The following EPHA3 variants were observed in gnomAD, a reference collection of about 807,000 sequenced individuals.
EPHA3 encodes the protein ephrin type-A receptor 3.
Under a neutral mutation model 107.1 loss-of-function variants are expected in EPHA3, and 42 were observed. That is an observed-to-expected ratio of 0.39 (90% CI 0.31 to 0.51). The LOEUF is 0.51. Among genes scored for constraint, EPHA3 ranks in the 20% least tolerant of loss-of-function variants. The pLI is 0.78. For synonymous variants in EPHA3, 461 were observed against 424.8 expected, an observed-to-expected ratio of 1.09 and a Z score of -1.05; for missense variants, 1,183 against 1,211.2, an observed-to-expected ratio of 0.98 and a Z score of 0.35.
At chr3:89,250,319 C>T (rs1559618812) in intron 3 of EPHA3, among the ~76,000 whole-genome samples, 1 of 152,156 alleles carries the variant, frequency 6.6e-6, no homozygotes, top group Non-Finnish European at 1.5e-5. Flanking sequence ...TACTCAGTTG[C>T]TTCTTTCCAT....
At chr3:89,391,305 G>A (rs1447724831) in intron 5 of EPHA3, among the ~76,000 whole-genome samples, 1 of 152,054 alleles carries the variant, frequency 6.6e-6, no homozygotes, top group African/African-American at 2.4e-5. Flanking sequence ...AAGCTTCATG[G>A]AGAATGGTCA....
intron 3 of EPHA3, among the ~76,000 whole-genome samples, chr3:89,232,256 G>C (rs1203213630): frequency 2.6e-5 from 4 of 152,032 alleles, no homozygotes; most frequent in Non-Finnish European, 2.9e-5. Context: ...AAAGAATGAA[G>C]AGCAAAAAAA....
At chr3:89,477,618 G>A (rs1483631086) in intron 16 of EPHA3, among the ~76,000 whole-genome samples, 1 of 152,096 alleles carries the variant, frequency 6.6e-6, no homozygotes, top group Non-Finnish European at 1.5e-5. Flanking sequence ...GTGTGTGTGT[G>A]TGTGTCTGTG....
At chr3:89,373,939 T>A (rs1362069407) in intron 5 of EPHA3, among the ~76,000 whole-genome samples, 1 of 151,964 alleles carries the variant, frequency 6.6e-6, no homozygotes, top group African/African-American at 2.4e-5. Flanking sequence ...AGAGTCCATT[T>A]GGTCTGATTA....
intron 2 of EPHA3, among the ~76,000 whole-genome samples, chr3:89,154,314 A>G (rs1704751002): frequency 1.3e-5 from 2 of 151,012 alleles, no homozygotes; most frequent in Admixed American, 1.3e-4. Context: ...TTGGACGCAT[A>G]AAAAGGTGAG....
intron 2 of EPHA3, among the ~76,000 whole-genome samples, chr3:89,159,561 C>T (rs1704879504): frequency 6.6e-6 from 1 of 152,118 alleles, no homozygotes; most frequent in Non-Finnish European, 1.5e-5. Flanking sequence ...TCTCCACTGC[C>T]TCTCACTCCC....
intron 5 of EPHA3, among the ~76,000 whole-genome samples, chr3:89,386,704 T>C (rs558338023): frequency 1.3e-5 from 2 of 152,226 alleles, no homozygotes; most frequent in East Asian, 3.9e-4. Flanking sequence ...ACAGCTTGCG[T>C]TGGATGCACC....
chr3:89,169,760 C>A (rs1046457408), intron 2 of EPHA3, among the ~76,000 whole-genome samples: 5 of 152,152 alleles, frequency 3.3e-5, no homozygotes, highest in East Asian at 1.9e-4. Flanking sequence ...TCAAATATAT[C>A]ATTTCTTCAG....
intron 13 of EPHA3, among the ~76,000 whole-genome samples, chr3:89,432,818 C>T (rs564094226): frequency 2.6e-5 from 4 of 151,638 alleles, no homozygotes; most frequent in South Asian, 2.1e-4. Context: ...TTCAACATAC[C>T]GATAATTTAG....
intron 1 of EPHA3, 104 bp from the exon 2 acceptor site, chr3:89,127,103 TTA>T: frequency 1.2e-6 from 1 of 818,164 alleles, no homozygotes; most frequent in South Asian, 1.5e-5. Flanking sequence ...GAAGGAAGAG[TTA>T]TGTTTTTTGA....
chr3:89,324,901 T>C (rs1707131379), intron 3 of EPHA3, among the ~76,000 whole-genome samples: 1 of 152,152 alleles, frequency 6.6e-6, no homozygotes, highest in South Asian at 2.1e-4. Context: ...GCCATCTTTA[T>C]ATTTGCGAGT....
rs974876739 is a variant in EPHA3, at chr3:89,337,284, A to G, written c.815-3632A>G. ...GTTTTAAGGAAGTAATTTGCTTTCA[A>G]TGATTGATTTTTATAAAATTAAAAG... On this transcript the variant is annotated intron_variant, in intron 3 of 16. Coordinates refer to ENST00000336596, the MANE Select transcript of EPHA3 (RefSeq NM_005233.6). 5.9e-5 allele frequency among the ~76,000 whole-genome samples: 9 copies of G among 152,312 alleles called. 1 individual carries two copies. The East Asian group carries it at 7.7e-4, about 13-fold the overall frequency.
chr3:89,251,797 A>G, intron 3 of EPHA3, among the ~76,000 whole-genome samples: 1 of 151,664 alleles, frequency 6.6e-6, no homozygotes, highest in African/African-American at 2.4e-5. Context: ...TTGTGTGTAG[A>G]AAAAAAAATC....
intron 2 of EPHA3, among the ~76,000 whole-genome samples, chr3:89,136,826 T>C (rs572413110): frequency 6.6e-6 from 1 of 152,088 alleles, no homozygotes; most frequent in East Asian, 1.9e-4. Flanking sequence ...TTTAAATATT[T>C]CATATATTTG....
intron 3 of EPHA3, among the ~76,000 whole-genome samples, chr3:89,258,488 G>A (rs1366337647): frequency 6.6e-6 from 1 of 152,036 alleles, no homozygotes; most frequent in Non-Finnish European, 1.5e-5. Flanking sequence ...AATTGCCATT[G>A]TACATGACAA....
At chr3:89,148,499 T>C (rs1430439993) in intron 2 of EPHA3, among the ~76,000 whole-genome samples, 6 of 151,996 alleles carry the variant, frequency 3.9e-5, no homozygotes, top group African/African-American at 1.4e-4. Context: ...AAAATGTTTG[T>C]GTCTTTCATG....
At chr3:89,329,134 A>G (rs1317001360) in intron 3 of EPHA3, among the ~76,000 whole-genome samples, 1 of 152,190 alleles carries the variant, frequency 6.6e-6, no homozygotes, top group African/African-American at 2.4e-5. Flanking sequence ...CAAAGGGTTA[A>G]TGGAATATGT....
intron 3 of EPHA3, among the ~76,000 whole-genome samples, chr3:89,219,520 A>G (rs1177302546): frequency 6.6e-6 from 1 of 151,708 alleles, no homozygotes; most frequent in Non-Finnish European, 1.5e-5. Flanking sequence ...ATGTGGCACT[A>G]AACAAAACAG....
At chr3:89,408,031 C>A in intron 8 of EPHA3, 36 bp from the exon 9 acceptor site, 2 of 1,590,128 alleles carry the variant, frequency 1.3e-6, no homozygotes. Context: ...TAAATATATT[C>A]CTCTTATGTG....
Sources: gnomAD v4.1 joint callset for allele counts (sites outside exome capture counted in the v4.1 genomes callset) on GRCh38, gnomAD v4.1.1 for gene constraint, MANE v1.5 for transcripts, NCBI Gene and HGNC (gene_info 2026-07-23, HGNC 2026-07-21) for gene names.